Variants in ACAN observed in about 807,000 individuals in gnomAD.
ACAN encodes aggrecan core protein.
ACAN carries 47 observed loss-of-function variants against 169.1 expected under a neutral mutation model. The observed-to-expected ratio is 0.28, with a 90% CI of 0.22 to 0.35. The LOEUF (loss-of-function observed/expected upper bound fraction) is 0.35, where lower values mean the gene tolerates loss of function less well. Ranked by LOEUF, ACAN falls within the 10% of genes least tolerant of loss-of-function variation. The probability of loss-of-function intolerance (pLI) is 1.00; values close to 1 mark genes in which losing one functional copy is unlikely to be tolerated. For synonymous variants in ACAN, 1,115 were observed against 1,112.2 expected (o/e 1.00, Z -0.05); for missense variants, 2,716 against 2,759.9 (o/e 0.98, Z 0.36).
chr15:88,811,854 A>T (rs996647934), intron 1 of ACAN, among the ~76,000 whole-genome samples: 5 of 151,910 alleles, frequency 3.3e-5, no homozygotes, highest in African/African-American at 9.7e-5. Flanking sequence ...TCACTGCCCC[A>T]TCCATGGGCA....
Position 88,855,254 on chromosome 15 carries a change from G to C in ACAN, c.2669G>C (p.Arg890Thr), listed in dbSNP as rs751720191. Residue 890 changes from arginine to threonine, a missense_variant, in exon 12 of 19, where the codon AGG (arginine) becomes ACG (threonine). Physicochemically the swap from Arg to Thr is moderately conservative, Grantham distance 71. This residue lies in a region of ACAN where 1,283 missense variants were observed against 1,281.5 expected (regional missense o/e 1.00). Coordinates refer to ENST00000560601, the MANE Select transcript of ACAN (RefSeq NM_001369268.1). ...LDFSGQLSGDRASGLPSGDLD... is the reference protein window; with the variant it reads ...LDFSGQLSGDTASGLPSGDLD... ...TTCAGTGGGCAGCTGTCAGGGGACAGGGCAAGTGGACTGCCCTCTGGAGAC... is the reference window on the plus strand; with the variant it reads ...TTCAGTGGGCAGCTGTCAGGGGACACGGCAAGTGGACTGCCCTCTGGAGAC... The C allele has an allele frequency of 3.7e-6, 6 of 1,607,526 alleles. No homozygotes were observed. Among genetic ancestry groups the C allele is most frequent in the Non-Finnish European group, 5.1e-6 (6 of 1,174,862 alleles).
chr15:88,818,688 A>G (rs752814619), intron 1 of ACAN, among the ~76,000 whole-genome samples: 1 of 152,182 alleles, frequency 6.6e-6, no homozygotes, highest in Admixed American at 6.5e-5. Context: ...GGAAGATAAC[A>G]TGGGGGTCTC....
rs1596135380 is a variant in ACAN at position 88,843,751 on chromosome 15, G to C, written c.1051+103G>C. On this transcript the variant is annotated intron_variant, in intron 6 of 18. Transcript: ENST00000560601. This position sits in a 1 kb window ranked among gnomAD's most constrained non-coding sequence, Gnocchi z 4.0. The stretch of plus-strand genomic sequence containing the variant: ...GGGAGGGTTGGTTTTTGCCCTTGAA[G>C]GGGCCACGGGGTACCTGAACCCCAT... The C allele has an allele frequency of 1.4e-6, 2 of 1,395,602 alleles. No individual in the cohort carries two copies. The highest frequency in any genetic ancestry group is 2.3e-5 in the Admixed American group (1 of 42,966). 86.5% of individuals were successfully genotyped at this position (1,395,602 alleles called of 1,614,324 possible). A position where few individuals can be genotyped will look rare whatever the true frequency, so the allele number is the denominator to read the frequency against.
intron 1 of ACAN, among the ~76,000 whole-genome samples, chr15:88,823,148 G>A (rs750942134): frequency 9.9e-5 from 15 of 152,196 alleles, no homozygotes; most frequent in Non-Finnish European, 1.3e-4. Context: ...CCTTCTCATA[G>A]AGGAAAGATC....
At position 88,817,182 on chromosome 15, in the gene ACAN, C is replaced by T. The variant is rs143188404; in HGVS notation, c.-8+13373C>T. Among the ~76,000 whole-genome samples the T allele has an allele frequency of 6.8e-3, 1,037 of 152,268 alleles. 9 individuals carry two copies. The highest frequency in any genetic ancestry group is 0.013 in the Admixed American group (198 of 15,290). ...TTTGAGACAGAGCCTTGATTTGTCA[C>T]CCAGGCTGGAGTGCAGTGGTGCGAT... On this transcript the variant is annotated intron_variant, in intron 1 of 18. Coordinates refer to ENST00000560601, the MANE Select transcript of ACAN (RefSeq NM_001369268.1).
chr15:88,862,192 G>C (rs930227673), intron 13 of ACAN, among the ~76,000 whole-genome samples: 26 of 152,282 alleles, frequency 1.7e-4, no homozygotes, highest in Admixed American at 1.6e-3. Flanking sequence ...TGAGGTGGTC[G>C]GATTCAAGAC....
intron 1 of ACAN, among the ~76,000 whole-genome samples, chr15:88,804,578 T>C (rs1182472764): frequency 6.6e-6 from 1 of 152,178 alleles, no homozygotes; most frequent in Non-Finnish European, 1.5e-5. Context: ...TGGGTTCCTC[T>C]TCAAACGAAG....
rs570950637 is a variant in ACAN at position 88,872,842 on chromosome 15, C to G, written c.7303-39C>G. The G allele has an allele frequency of 3.2e-5, 51 of 1,609,490 alleles. No individual in the cohort carries two copies. In the Admixed American group the frequency reaches 6.5e-4, roughly 21 times the overall value. ...GTCGGAGCAGGCCAACCCGCACTGT[C>G]CTGCCCTCTCCTTACTCCTTCCCCA... On this transcript the variant is annotated intron_variant, in intron 16 of 18. Coordinates refer to ENST00000560601, the MANE Select transcript of ACAN (RefSeq NM_001369268.1). This position sits in a 1 kb window ranked among gnomAD's most constrained non-coding sequence, Gnocchi z 5.4.
Position 88,839,891 on chromosome 15 carries a change from G to A in ACAN, c.455-121G>A. On this transcript the variant is annotated intron_variant, in intron 3 of 18. Transcript: ENST00000560601. The surrounding 1 kb of genome is among the most constrained non-coding windows in gnomAD (Gnocchi z 4.5). ...AAGGTGTACAGGGAGTCATGCATCA[G>A]CCCAGACCAGCCAGTTCCCTAAGGT... is the stretch of plus-strand genomic sequence containing the variant. The A allele has an allele frequency of 8.2e-7, 1 of 1,224,834 alleles. No homozygotes were observed. Among genetic ancestry groups the A allele is most frequent in the Non-Finnish European group, 1.1e-6 (1 of 875,328 alleles). 75.9% of individuals were successfully genotyped at this position (1,224,834 alleles called of 1,614,324 possible).
At chr15:88,822,872 T>C (rs1896113748) in intron 1 of ACAN, among the ~76,000 whole-genome samples, 1 of 152,146 alleles carries the variant, frequency 6.6e-6, no homozygotes, top group African/African-American at 2.4e-5. Flanking sequence ...AGGACTAAAC[T>C]CCAAGAACCC....
Position 88,874,068 on chromosome 15 carries a change from C to T in ACAN, c.7630+44C>T. The stretch of plus-strand genomic sequence containing the variant: ...ATCTCGCTGAGCACAGGGTTAGATT[C>T]TGCCAGCACAGCCTTCCCCCCGTCC... On this transcript the variant is annotated intron_variant, in intron 18 of 18. Coordinates refer to ENST00000560601, the MANE Select transcript of ACAN (RefSeq NM_001369268.1). This position sits in a 1 kb window ranked among gnomAD's most constrained non-coding sequence, Gnocchi z 7.3. 6.3e-7 allele frequency: 1 copy of T among 1,599,450 alleles called. No individual in the cohort carries two copies. The highest frequency in any genetic ancestry group is 8.5e-7 in the Non-Finnish European group (1 of 1,177,970).
At chr15:88,831,358 C>G (rs1326537755) in intron 1 of ACAN, among the ~76,000 whole-genome samples, 3 of 152,238 alleles carry the variant, frequency 2.0e-5, no homozygotes, top group Non-Finnish European at 4.4e-5. Flanking sequence ...CAGCGTGTCT[C>G]TACCTGAGAC....
chr15:88,847,452 T>C (rs754791260), intron 8 of ACAN, 35 bp downstream of exon 8: 7 of 1,520,870 alleles, frequency 4.6e-6, no homozygotes, highest in Admixed American at 2.0e-5. Context: ...CCAAACCCAA[T>C]TGAAGAGGTC....
At chr15:88,854,348 G>A (rs1344554233) in intron 11 of ACAN, among the ~76,000 whole-genome samples, 2 of 152,206 alleles carry the variant, frequency 1.3e-5, no homozygotes, top group African/African-American at 4.8e-5. Context: ...GGGCTGGGGT[G>A]AGGTCTAGGA....
intron 1 of ACAN, among the ~76,000 whole-genome samples, chr15:88,830,548 A>G (rs917872029): frequency 1.3e-5 from 2 of 152,304 alleles, no homozygotes; most frequent in African/African-American, 2.4e-5. Flanking sequence ...TACCTTTTGT[A>G]TGTGTAGATA....
intron 1 of ACAN, among the ~76,000 whole-genome samples, chr15:88,808,272 C>G (rs1281392052): frequency 6.6e-6 from 1 of 152,208 alleles, no homozygotes; most frequent in East Asian, 1.9e-4. Context: ...AGGATATGCC[C>G]CAGGCTGCTG....
At chr15:88,848,465 C>T (rs1030093794) in intron 9 of ACAN, among the ~76,000 whole-genome samples, 7 of 152,040 alleles carry the variant, frequency 4.6e-5, no homozygotes, top group Admixed American at 3.3e-4. Context: ...ACCTGTAATC[C>T]CAGCACTTTG....
intron 1 of ACAN, among the ~76,000 whole-genome samples, chr15:88,810,601 G>T (rs183721921): frequency 6.6e-6 from 1 of 152,138 alleles, no homozygotes; most frequent in South Asian, 2.1e-4. Flanking sequence ...CTCAGGGGAA[G>T]CCTGGATTCT....
At chr15:88,859,509 C>T in intron 12 of ACAN, 92 bp downstream of exon 12, 1 of 1,511,956 alleles carries the variant, frequency 6.6e-7, no homozygotes, top group Non-Finnish European at 9.0e-7. Context: ...CTTTAAGGTT[C>T]CAAGAACAAC....
Sources: gnomAD v4.1 joint callset for allele counts (sites outside exome capture counted in the v4.1 genomes callset) on GRCh38, gnomAD v4.1.1 for gene constraint, gnomAD v4.1.1 regional missense constraint, Gnocchi (gnomAD v3.1) non-coding constraint, MANE v1.5 for transcripts, NCBI Gene and HGNC (gene_info 2026-07-23, HGNC 2026-07-21) for gene names.